The following STAT4 variants were observed in gnomAD, a reference collection of about 807,000 sequenced individuals.
STAT4 encodes signal transducer and activator of transcription 4.
In STAT4, 42 loss-of-function variants were observed where a neutral mutation model predicts 110.5. The observed-to-expected ratio is 0.38, with a 90% confidence interval of 0.30 to 0.49. The LOEUF is 0.49. Among genes scored for constraint, STAT4 ranks in the 20% least tolerant of loss-of-function variants. The pLI is 0.95. For missense variants in STAT4, 632 were observed against 887.9 expected (o/e 0.71, Z 3.66); for synonymous variants, 284 against 302.2 (o/e 0.94, Z 0.63).
intron 3 of STAT4, among the ~76,000 whole-genome samples, chr2:191,111,395 AT>A (rs1308134009): frequency 6.6e-6 from 1 of 152,230 alleles, no homozygotes; most frequent in African/African-American, 2.4e-5. Flanking sequence ...GTTCTTGAAT[AT>A]TTCGGAGTAT....
intron 3 of STAT4, among the ~76,000 whole-genome samples, chr2:191,081,065 C>A (rs1440820183): frequency 2.0e-5 from 3 of 152,140 alleles, no homozygotes; most frequent in African/African-American, 7.2e-5. Context: ...TTGTTCAACT[C>A]CCACTTATGA....
At chr2:191,141,429 CATACAT>C (rs1559085625) in intron 3 of STAT4, among the ~76,000 whole-genome samples, 3 of 46,514 alleles carry the variant, frequency 6.4e-5, no homozygotes, top group Non-Finnish European at 1.5e-4. Flanking sequence ...ATATCACATA[CATACAT>C]ATACATATGT....
In STAT4 at chr2:191,033,456, A is replaced by T; in HGVS notation, c.1852+34T>A. ...CCCAGTAACCAAATTTAAGAAAACTAATTTCACATGAATAAACATTAGTGA... is the reference window on the plus strand; with the variant it reads ...CCCAGTAACCAAATTTAAGAAAACTTATTTCACATGAATAAACATTAGTGA... On this transcript the variant is annotated intron_variant, in intron 20 of 23. Transcript: ENST00000392320. This position sits in a 1 kb window ranked among gnomAD's most constrained non-coding sequence, Gnocchi z 6.9. The T allele has an allele frequency of 3.2e-6, 5 of 1,583,934 alleles. No individual in the cohort carries two copies. Among genetic ancestry groups the T allele is most frequent in the Non-Finnish European group, 4.3e-6 (5 of 1,168,026 alleles).
chr2:191,034,634 C>A (rs748620825), intron 17 of STAT4, 37 bp from the exon 18 acceptor site: 4 of 1,441,400 alleles, frequency 2.8e-6, no homozygotes, highest in Non-Finnish European at 3.9e-6. Flanking sequence ...TTTCACTGGA[C>A]AATGAGATGC....
rs4552215 is a variant in STAT4, at chr2:191,091,632, T to C, written c.274-15307A>G. 0.99 allele frequency among the ~76,000 whole-genome samples: 150,409 copies of C among 152,318 alleles called. 74,292 individuals are homozygous for C. The highest frequency in any genetic ancestry group is 1 in the Middle Eastern group (294 of 294). ...AGAAAATGTCTGACAACAGCTATGATAGTCACAAAGGCTAATTTCTTACTG... is the reference window on the plus strand; with the variant it reads ...AGAAAATGTCTGACAACAGCTATGACAGTCACAAAGGCTAATTTCTTACTG... On this transcript the variant is annotated intron_variant, in intron 3 of 23. Transcript: ENST00000392320. The surrounding 1 kb of genome is among the most constrained non-coding windows in gnomAD (Gnocchi z 5.4).
chr2:191,106,525 G>A (rs962981712), intron 3 of STAT4, among the ~76,000 whole-genome samples: 7 of 151,872 alleles, frequency 4.6e-5, no homozygotes, highest in East Asian at 1.9e-4. Flanking sequence ...GCATGGTGGC[G>A]CATGCCTGTA....
chr2:191,103,276 A>T (rs1370114419), intron 3 of STAT4, among the ~76,000 whole-genome samples: 1 of 152,092 alleles, frequency 6.6e-6, no homozygotes, highest in Admixed American at 6.6e-5. Flanking sequence ...GTTAGAGGAA[A>T]GTGGGGTTGA....
At chr2:191,087,754 A>AC (rs2125300209) in intron 3 of STAT4, among the ~76,000 whole-genome samples, 1 of 152,262 alleles carries the variant, frequency 6.6e-6, no homozygotes, top group South Asian at 2.1e-4. Context: ...AAAAAAACAA[A>AC]CCCACTAAAT....
intron 3 of STAT4, among the ~76,000 whole-genome samples, chr2:191,141,533 C>T (rs1699331624): frequency 6.9e-6 from 1 of 144,000 alleles, no homozygotes; most frequent in African/African-American, 2.6e-5. Flanking sequence ...ATCACATATA[C>T]ATATATGATA....
In STAT4 at chr2:191,090,799, C is replaced by T. The variant is rs1697776620; in HGVS notation, c.274-14474G>A. On this transcript the variant is annotated intron_variant, in intron 3 of 23. Transcript: ENST00000392320. This position sits in a 1 kb window ranked among gnomAD's most constrained non-coding sequence, Gnocchi z 4.2. ...CACCGTGTTAGCCTGTTCACCAAGACAGGGGATGGTCTCGATCCCCTGACC... is the reference window on the plus strand; with the variant it reads ...CACCGTGTTAGCCTGTTCACCAAGATAGGGGATGGTCTCGATCCCCTGACC... Among the ~76,000 whole-genome samples, 1 of 152,128 alleles carries T rather than the reference C, an allele frequency of 6.6e-6. No homozygotes were observed. The highest frequency in any genetic ancestry group is 1.5e-5 in the Non-Finnish European group (1 of 68,020).
At chr2:191,073,425 G>C (rs999399910) in intron 4 of STAT4, among the ~76,000 whole-genome samples, 7 of 152,192 alleles carry the variant, frequency 4.6e-5, no homozygotes, top group African/African-American at 1.2e-4. Context: ...AGTGGCTCAC[G>C]CCTATAATCC....
intron 3 of STAT4, among the ~76,000 whole-genome samples, chr2:191,137,763 C>T (rs1294343989): frequency 6.6e-6 from 1 of 152,084 alleles, no homozygotes; most frequent in Non-Finnish European, 1.5e-5. Context: ...AACCTACACT[C>T]GGGCAAAAAC....
At chr2:191,080,426 A>G (rs1697429568) in intron 3 of STAT4, among the ~76,000 whole-genome samples, 2 of 152,126 alleles carry the variant, frequency 1.3e-5, no homozygotes, top group South Asian at 4.1e-4. Context: ...CCATAAAATA[A>G]TGTCTTCTGG....
chr2:191,109,013 T>C lies in STAT4; in HGVS notation c.274-32688A>G, dbSNP rs1033404863. Among the ~76,000 whole-genome samples the C allele has an allele frequency of 2.0e-5, 3 of 152,254 alleles. No homozygotes were observed. In the South Asian group the frequency reaches 6.2e-4, roughly 32 times the overall value. ...GAAAAATTACAAATTATTAGCTTTA[T>C]TTACTTTCCTATTTATCAAAGGCAC... On this transcript the variant is annotated intron_variant, in intron 3 of 23. Transcript: ENST00000392320.
chr2:191,031,121 A>T lies in STAT4; in HGVS notation c.2112-41T>A. ...AGGTCAATATGGACAAGGATTAAAA[A>T]ATAATAATAGTTCACGGTGACTTAC... On this transcript the variant is annotated intron_variant, in intron 22 of 23. Transcript: ENST00000392320. This position sits in a 1 kb window ranked among gnomAD's most constrained non-coding sequence, Gnocchi z 4.8. 6.3e-7 allele frequency: 1 copy of T among 1,593,266 alleles called. No individual in the cohort carries two copies. The highest frequency in any genetic ancestry group is 8.6e-7 in the Non-Finnish European group (1 of 1,161,630).
At chr2:191,109,097 C>A (rs1462962214) in intron 3 of STAT4, among the ~76,000 whole-genome samples, 5 of 152,188 alleles carry the variant, frequency 3.3e-5, no homozygotes, top group Non-Finnish European at 7.4e-5. Flanking sequence ...AGAAGAGAAG[C>A]ATTTTAGATG....
chr2:191,148,019 G>A, intron 2 of STAT4, 57 bp downstream of exon 2: 3 of 1,607,226 alleles, frequency 1.9e-6, no homozygotes, highest in Non-Finnish European at 2.5e-6. Flanking sequence ...AAATTCACAT[G>A]GATAGAGCAT....
At chr2:191,081,192 TA>T (rs1363845909) in intron 3 of STAT4, among the ~76,000 whole-genome samples, 3 of 152,236 alleles carry the variant, frequency 2.0e-5, no homozygotes, top group Admixed American at 2.0e-4. Context: ...TATGGCTGCA[TA>T]GTATTCCATG....
At chr2:191,069,953 C>T (rs1199565725) in intron 5 of STAT4, among the ~76,000 whole-genome samples, 182 bp from the exon 6 acceptor site, 1 of 152,152 alleles carries the variant, frequency 6.6e-6, no homozygotes, top group Non-Finnish European at 1.5e-5. Context: ...TTGGAAGAAC[C>T]AGATTGAACT....
Sources: allele counts gnomAD v4.1 joint callset (sites outside exome capture counted in the v4.1 genomes callset), GRCh38; gene constraint gnomAD v4.1.1; non-coding constraint Gnocchi (gnomAD v3.1); transcripts MANE v1.5; gene names NCBI Gene and HGNC (gene_info 2026-07-23, HGNC 2026-07-21).